Variants in AGBL4 observed in about 807,000 individuals in gnomAD.
AGBL4 encodes cytosolic carboxypeptidase 6.
Under a neutral mutation model 66.4 loss-of-function variants are expected in AGBL4, and 58 were observed. The observed-to-expected ratio is 0.87, with a 90% CI of 0.71 to 1.09. The LOEUF is 1.09. AGBL4 is among the 50% of genes least tolerant of loss of function. The pLI, the probability that AGBL4 is intolerant of heterozygous loss-of-function variation, is 0.00. For synonymous variants in AGBL4, 234 were observed against 222.9 expected (o/e 1.05, Z -0.44); for missense variants, 579 against 631.0 (o/e 0.92, Z 0.88).
chr1:49,246,990 A>C (rs755359134), intron 3 of AGBL4, among the ~76,000 whole-genome samples: 1 of 152,092 alleles, frequency 6.6e-6, no homozygotes, highest in Non-Finnish European at 1.5e-5. Context: ...TATAACCATA[A>C]AAATAAATAT....
intron 3 of AGBL4, among the ~76,000 whole-genome samples, chr1:49,258,356 C>A (rs1443302959): frequency 6.6e-6 from 1 of 152,124 alleles, no homozygotes. Context: ...TCAAACTACT[C>A]CGAGCTACAG....
chr1:49,845,481 T>A lies in AGBL4; in HGVS notation c.157+5915A>T, dbSNP rs1422621942. The A allele has an allele frequency of 2.5e-6, 4 of 1,573,778 alleles. No homozygotes were observed. In the Admixed American group the frequency reaches 6.7e-5, roughly 27 times the overall value. The stretch of plus-strand genomic sequence containing the variant: ...TCACCCAGCACCTGCGAATCCACAC[T>A]GGGGAGAAACCCTATCAGTGTGGTG... On this transcript the variant is annotated intron_variant, in intron 2 of 13. Coordinates refer to ENST00000371839, the MANE Select transcript of AGBL4 (RefSeq NM_032785.4).
chr1:49,048,283 G>T (rs76738764), intron 4 of AGBL4: 1 of 152,016 alleles, frequency 6.6e-6, no homozygotes, highest in Non-Finnish European at 1.5e-5. Context: ...TCAATTCTGT[G>T]ACCACAGTTT....
chr1:49,665,713 A>G (rs1315979979), intron 3 of AGBL4, among the ~76,000 whole-genome samples: 1 of 152,108 alleles, frequency 6.6e-6, no homozygotes, highest in Non-Finnish European at 1.5e-5. Flanking sequence ...TAGGATTTCT[A>G]AAAGGGACAT....
chr1:49,238,432 T>C (rs2148314283), intron 4 of AGBL4, among the ~76,000 whole-genome samples: 1 of 152,326 alleles, frequency 6.6e-6, no homozygotes, highest in African/African-American at 2.4e-5. Context: ...CAAGTTCACT[T>C]ATTCTCTTCT....
At chr1:48,933,349 C>T (rs1159006978) in intron 5 of AGBL4, among the ~76,000 whole-genome samples, 3 of 152,100 alleles carry the variant, frequency 2.0e-5, no homozygotes, top group Non-Finnish European at 4.4e-5. Flanking sequence ...CAATGGCCAT[C>T]CAACTTTGCC....
intron 5 of AGBL4, among the ~76,000 whole-genome samples, chr1:49,015,115 C>T (rs998594864): frequency 3.9e-5 from 6 of 152,142 alleles, no homozygotes; most frequent in African/African-American, 1.4e-4. Flanking sequence ...TCTTAGGTCA[C>T]CTAGAGGCTG....
intron 5 of AGBL4, among the ~76,000 whole-genome samples, chr1:48,874,973 C>T (rs969275014): frequency 6.6e-6 from 1 of 152,148 alleles, no homozygotes; most frequent in Non-Finnish European, 1.5e-5. Context: ...ATGGCTTTCC[C>T]AGATAACACC....
intron 6 of AGBL4, among the ~76,000 whole-genome samples, chr1:48,740,230 G>A (rs1305761866): frequency 6.6e-6 from 1 of 152,166 alleles, no homozygotes; most frequent in African/African-American, 2.4e-5. Context: ...GGCCCCTGAG[G>A]TTAGCAAGGC....
Position 49,591,007 on chromosome 1 carries a change from C to A in AGBL4, c.282+106306G>T, listed in dbSNP as rs1338991462. Among the ~76,000 whole-genome samples the A allele has an allele frequency of 4.6e-5, 7 of 151,984 alleles. No homozygotes were observed. In the East Asian group the frequency reaches 1.2e-3, roughly 25 times the overall value. The stretch of plus-strand genomic sequence containing the variant: ...ACAAAAATTAATAGGACTGAGTAAA[C>A]ACTGCTTAGAGGAAAATGTATAGCT... On this transcript the variant is annotated intron_variant, in intron 3 of 13. Transcript: ENST00000371839.
At chr1:49,249,525 T>G (rs1203077117) in intron 3 of AGBL4, among the ~76,000 whole-genome samples, 1 of 152,176 alleles carries the variant, frequency 6.6e-6, no homozygotes, top group Non-Finnish European at 1.5e-5. Context: ...TGAGGTATCA[T>G]CTCACTGCAA....
intron 6 of AGBL4, among the ~76,000 whole-genome samples, chr1:48,798,854 C>T (rs562303086): frequency 6.6e-6 from 1 of 152,242 alleles, no homozygotes; most frequent in African/African-American, 2.4e-5. Context: ...TCTGGGTCCT[C>T]TATTCTGTTT....
rs1649004808 is a variant in AGBL4 at position 48,736,125 on chromosome 1, G to T, written c.635-72884C>A. On this transcript the variant is annotated intron_variant, in intron 6 of 13. Transcript: ENST00000371839. The surrounding 1 kb of genome is among the most constrained non-coding windows in gnomAD (Gnocchi z 4.0). ...GCTTGGTGTCCCCGGGCTCAGCCCA[G>T]GGTCTGGCATGCAGAAGCTTCATAA... 2.4e-6 allele frequency: 3 copies of T among 1,238,598 alleles called. No individual in the cohort carries two copies. Among genetic ancestry groups the T allele is most frequent in the Admixed American group, 3.7e-5 (2 of 54,350 alleles). The allele number at this position is 1,238,598 out of a possible 1,614,324, so 76.7% of individuals were successfully genotyped here.
chr1:49,646,673 G>A (rs1326963611), intron 3 of AGBL4, among the ~76,000 whole-genome samples: 1 of 151,840 alleles, frequency 6.6e-6, no homozygotes, highest in Non-Finnish European at 1.5e-5. Flanking sequence ...AGAAATATAT[G>A]AGCTGATTAT....
chr1:49,676,738 T>C (rs1646585876), intron 3 of AGBL4, among the ~76,000 whole-genome samples: 1 of 152,104 alleles, frequency 6.6e-6, no homozygotes, highest in South Asian at 2.1e-4. Context: ...CTTTATGACA[T>C]GTTCACATCA....
At chr1:49,130,722 T>C (rs1361215131) in intron 4 of AGBL4, among the ~76,000 whole-genome samples, 1 of 152,110 alleles carries the variant, frequency 6.6e-6, no homozygotes, top group Non-Finnish European at 1.5e-5. Context: ...TGTAGCCTTG[T>C]AGTATAGTTT....
chr1:49,272,342 T>A (rs1644078624), intron 3 of AGBL4, among the ~76,000 whole-genome samples: 1 of 152,198 alleles, frequency 6.6e-6, no homozygotes, highest in African/African-American at 2.4e-5. Context: ...ATAATTTAAA[T>A]TATTGGGCCA....
At chr1:48,625,573 T>A (rs1322052574) in intron 9 of AGBL4, among the ~76,000 whole-genome samples, 1 of 152,208 alleles carries the variant, frequency 6.6e-6, no homozygotes, top group Non-Finnish European at 1.5e-5. Context: ...AGGTTATGTA[T>A]ATGCATAGTA....
In AGBL4 at chr1:49,574,685, A is replaced by T. The variant is rs1644400303; in HGVS notation, c.282+122628T>A. Among the ~76,000 whole-genome samples the T allele has an allele frequency of 2.6e-5, 4 of 152,122 alleles. No homozygotes were observed. In the South Asian group the frequency reaches 8.3e-4, roughly 31 times the overall value. ...ATTTAAATACAATGGGAATAATTGG[A>T]TCCCAAGGTGGCAGGAGATAAGTGG... On this transcript the variant is annotated intron_variant, in intron 3 of 13. Transcript: ENST00000371839.
Sources: allele counts gnomAD v4.1 joint callset (sites outside exome capture counted in the v4.1 genomes callset), GRCh38; gene constraint gnomAD v4.1.1; non-coding constraint Gnocchi (gnomAD v3.1); transcripts MANE v1.5; gene names NCBI Gene and HGNC (gene_info 2026-07-23, HGNC 2026-07-21).